GAK: variants seen among roughly 807,000 people sequenced by gnomAD.
GAK encodes the protein cyclin-G-associated kinase.
Under a neutral mutation model 143.9 loss-of-function variants are expected in GAK, and 79 were observed. That is an observed-to-expected ratio of 0.55 (90% CI 0.46 to 0.66). GAK has a LOEUF of 0.66. Ranked by LOEUF, GAK falls within the 30% of genes least tolerant of loss-of-function variation. GAK has a pLI of 0.00. For missense variants in GAK, 1,693 were observed against 1,779.7 expected (o/e 0.95, Z 0.88); for synonymous variants, 881 against 765.5 (o/e 1.15, Z -2.49).
chr4:870,176 G>A, intron 19 of GAK, among the ~76,000 whole-genome samples: 1 of 152,196 alleles, frequency 6.6e-6, no homozygotes, highest in East Asian at 1.9e-4. Context: ...CAGGGACGCT[G>A]AAGATGCTCA....
chr4:903,482 G>C (rs1253022249), intron 5 of GAK, among the ~76,000 whole-genome samples: 1 of 152,206 alleles, frequency 6.6e-6, no homozygotes, highest in East Asian at 1.9e-4. Context: ...CCAGCTCCAA[G>C]AGGCCGAACC....
intron 14 of GAK, among the ~76,000 whole-genome samples, 163 bp from the exon 15 acceptor site, chr4:882,203 C>G (rs150981138): frequency 2.0e-5 from 3 of 152,340 alleles, no homozygotes; most frequent in Non-Finnish European, 2.9e-5. Flanking sequence ...CCTGCCGAGG[C>G]AAGAATGGAG....
intron 18 of GAK, among the ~76,000 whole-genome samples, chr4:874,683 G>A (rs1336059655): frequency 1.3e-5 from 2 of 150,444 alleles, no homozygotes; most frequent in African/African-American, 4.9e-5. Context: ...AAAAAAAAAA[G>A]TATCCTCTTT....
At chr4:913,105 G>A (rs1377644471) in intron 2 of GAK, among the ~76,000 whole-genome samples, 2 of 151,906 alleles carry the variant, frequency 1.3e-5, no homozygotes, top group African/African-American at 2.4e-5. Context: ...GGCAGCAGGC[G>A]TGCAGACCAC....
chr4:890,524 G>A lies in GAK; in HGVS notation c.1081+8C>T. 1 of 1,600,260 alleles carries A rather than the reference G, an allele frequency of 6.2e-7. No homozygotes were observed. The highest frequency in any genetic ancestry group is 2.3e-5 in the East Asian group (1 of 44,438). On this transcript the variant is annotated splice_region_variant and intron_variant, in intron 10 of 27. Coordinates refer to ENST00000314167, the MANE Select transcript of GAK (RefSeq NM_005255.4). The stretch of plus-strand genomic sequence containing the variant: ...GGACAGGTGGCGGGCACAGGACAGG[G>A]CACTCACCTCCACTGTAGCCACTGC...
At chr4:899,986 C>G (rs1368494363) in intron 5 of GAK, among the ~76,000 whole-genome samples, 1 of 152,258 alleles carries the variant, frequency 6.6e-6, no homozygotes, top group African/African-American at 2.4e-5. Context: ...GCAAGAAAAT[C>G]AGATGCAGAG....
chr4:912,842 C>A, intron 2 of GAK, 48 bp from the exon 3 acceptor site: 1 of 1,526,890 alleles, frequency 6.5e-7, no homozygotes, highest in African/African-American at 1.4e-5. Context: ...AGTTTACCTT[C>A]CTACTCCACC....
At chr4:928,767 CT>C (rs1021996174) in intron 1 of GAK, among the ~76,000 whole-genome samples, 13 of 148,666 alleles carry the variant, frequency 8.7e-5, no homozygotes, top group East Asian at 2.0e-4. Flanking sequence ...TTTTTCTTTT[CT>C]TTTTTTTTTG....
At chr4:881,710 G>A (rs554789576) in intron 15 of GAK, among the ~76,000 whole-genome samples, 197 bp downstream of exon 15, 39 of 152,364 alleles carry the variant, frequency 2.6e-4, no homozygotes, top group African/African-American at 7.2e-4. Flanking sequence ...CAGGACTACC[G>A]CGGCTGAGGG....
chr4:913,545 G>A, intron 2 of GAK, 62 bp downstream of exon 2: 1 of 1,281,262 alleles, frequency 7.8e-7, no homozygotes, highest in Non-Finnish European at 1.1e-6. Context: ...TGAAAAGACT[G>A]TCACCAGACA....
intron 26 of GAK, 44 bp downstream of exon 26, chr4:850,892 G>C (rs749480032): frequency 1.3e-6 from 2 of 1,596,602 alleles, no homozygotes; most frequent in Non-Finnish European, 1.7e-6. Context: ...GGGGCCATGG[G>C]TTGAGGCCTC....
In GAK at chr4:912,344, G is replaced by A. The variant is rs866715021; in HGVS notation, c.267+391C>T. ...CAGCCTGAGAAGGGACGAGAGGGGC[G>A]GCTGAGAAGCCACATCGGGGCCTGT... On this transcript the variant is annotated intron_variant, in intron 3 of 27. Coordinates refer to ENST00000314167, the MANE Select transcript of GAK (RefSeq NM_005255.4). 9.0e-5 allele frequency: 33 copies of A among 364,644 alleles called. No homozygotes were observed. In the Middle Eastern group the frequency reaches 4.6e-3, roughly 51 times the overall value. 22.6% of individuals were successfully genotyped at this position (364,644 alleles called of 1,614,324 possible). A position where few individuals can be genotyped will look rare whatever the true frequency, so the allele number is the denominator to read the frequency against.
intron 14 of GAK, among the ~76,000 whole-genome samples, chr4:882,357 G>A (rs1390874465): frequency 6.6e-6 from 1 of 152,234 alleles, no homozygotes; most frequent in African/African-American, 2.4e-5. Flanking sequence ...CACCCTGGGA[G>A]GCTCAAGCAC....
chr4:856,546 CCTGCTCACCACCACAGCTGCTCACCACAG>C (rs1749279758), intron 24 of GAK, among the ~76,000 whole-genome samples: 1 of 121,390 alleles, frequency 8.2e-6, no homozygotes, highest in Non-Finnish European at 1.8e-5. Context: ...GCTGCTCACA[CCTGCTCACCACCACAGCTGCTCACCACAG>C]CTGCTCACCA....
rs907210428 is a variant in GAK, at chr4:859,619, G to A, written c.3270C>T (p.Ser1090=). 3 of 1,598,550 alleles carry A rather than the reference G, an allele frequency of 1.9e-6. No individual in the cohort carries two copies. Among genetic ancestry groups the A allele is most frequent in the Admixed American group, 3.3e-5 (2 of 59,760 alleles). ...CCTCCACGTTACCTTGGAGGCCGGAGCTGAGGTCGCCAAGGTCAGCAAATG... is the reference window on the plus strand; with the variant it reads ...CCTCCACGTTACCTTGGAGGCCGGAACTGAGGTCGCCAAGGTCAGCAAATG... ...PDPFADLGDL[S]SGLQGSPAGF... is the part of the protein sequence containing the mutation. Residue 1090 remains serine (S), a synonymous_variant, in exon 24 of 28, where the codon AGC becomes AGT. Transcript: ENST00000314167.
At chr4:868,504 C>T (rs766025411) in intron 20 of GAK, 35 bp downstream of exon 20, 1 of 1,593,812 alleles carries the variant, frequency 6.3e-7, no homozygotes. Flanking sequence ...GGGGCCTGCC[C>T]TCTGCAAGTG....
Position 932,311 on chromosome 4 carries a change from G to C in GAK, c.-124C>G. The stretch of plus-strand genomic sequence containing the variant: ...GTGCACCATCTTCCGCCTCGACGCC[G>C]TGACGTAGGCGCCCGTGAGGACGCG... On this transcript the variant is annotated 5_prime_UTR_variant, in exon 1 of 28. Coordinates refer to ENST00000314167, the MANE Select transcript of GAK (RefSeq NM_005255.4). The surrounding 1 kb of genome is among the most constrained non-coding windows in gnomAD (Gnocchi z 4.0). 1 of 1,377,032 alleles carries C rather than the reference G, an allele frequency of 7.3e-7. No individual in the cohort carries two copies. Among genetic ancestry groups the C allele is most frequent in the Non-Finnish European group, 9.3e-7 (1 of 1,072,270 alleles). 85.3% of individuals were successfully genotyped at this position (1,377,032 alleles called of 1,614,324 possible). A position where few individuals can be genotyped will look rare whatever the true frequency, so the allele number is the denominator to read the frequency against.
chr4:919,548 G>T (rs1723596679), intron 1 of GAK, among the ~76,000 whole-genome samples: 1 of 152,218 alleles, frequency 6.6e-6, no homozygotes, highest in Admixed American at 6.5e-5. Context: ...TTCCTGCCCA[G>T]GGCCTTCCCA....
At chr4:883,940 G>A (rs1577154047) in intron 12 of GAK, 97 bp downstream of exon 12, 3 of 1,212,946 alleles carry the variant, frequency 2.5e-6, no homozygotes, top group East Asian at 2.4e-5. Context: ...AGAGAAGGCT[G>A]GAGCAGAGGC....
Sources: allele counts gnomAD v4.1 joint callset (sites outside exome capture counted in the v4.1 genomes callset), GRCh38; gene constraint gnomAD v4.1.1; non-coding constraint Gnocchi (gnomAD v3.1); transcripts MANE v1.5; gene names NCBI Gene and HGNC (gene_info 2026-07-23, HGNC 2026-07-21).